Variants in LRP1B observed in about 807,000 individuals in gnomAD.
LRP1B encodes the protein LDL receptor related protein 1B.
Under a neutral mutation model 556.6 loss-of-function variants are expected in LRP1B, and 217 were observed. The observed-to-expected ratio is 0.39, with a 90% CI of 0.35 to 0.44. The LOEUF is 0.44. LRP1B is among the 20% of genes least tolerant of loss of function. The pLI, the probability that LRP1B is intolerant of heterozygous loss-of-function variation, is 1.00. For missense variants in LRP1B, 5,053 were observed against 5,620.8 expected, an observed-to-expected ratio of 0.90 and a Z score of 3.23; for synonymous variants, 2,047 against 1,865.8, an observed-to-expected ratio of 1.10 and a Z score of -2.50.
intron 11 of LRP1B, among the ~76,000 whole-genome samples, chr2:141,030,888 T>C (rs1418923266): frequency 6.6e-6 from 1 of 151,926 alleles, no homozygotes; most frequent in Non-Finnish European, 1.5e-5. Context: ...TCATCACTCA[T>C]TTTTTTGAGG....
chr2:141,508,670 G>A (rs1475726701), intron 2 of LRP1B, among the ~76,000 whole-genome samples: 1 of 151,586 alleles, frequency 6.6e-6, no homozygotes, highest in East Asian at 1.9e-4. Context: ...TTAAAGAACA[G>A]TTAAATACTT....
intron 21 of LRP1B, among the ~76,000 whole-genome samples, chr2:140,909,022 C>T (rs965592888): frequency 1.4e-4 from 21 of 152,188 alleles, no homozygotes; most frequent in African/African-American, 5.1e-4. Flanking sequence ...TGGTCTCAAA[C>T]TCTTGACCTC....
intron 21 of LRP1B, among the ~76,000 whole-genome samples, chr2:140,920,297 T>C (rs916528106): frequency 4.6e-5 from 7 of 152,030 alleles, no homozygotes; most frequent in African/African-American, 1.7e-4. Context: ...ATATTGTACT[T>C]GAAGTTAGCT....
At chr2:141,164,891 A>T (rs1038297275) in intron 7 of LRP1B, among the ~76,000 whole-genome samples, 1 of 152,036 alleles carries the variant, frequency 6.6e-6, no homozygotes, top group Admixed American at 6.6e-5. Context: ...CTACCTAACT[A>T]CTAAAGTTAC....
At chr2:141,641,325 A>C (rs1443326117) in intron 2 of LRP1B, among the ~76,000 whole-genome samples, 1 of 152,152 alleles carries the variant, frequency 6.6e-6, no homozygotes, top group African/African-American at 2.4e-5. Context: ...ATTAGACCAT[A>C]TTATATGATC....
intron 3 of LRP1B, among the ~76,000 whole-genome samples, chr2:141,478,605 A>T (rs1682800665): frequency 1.3e-5 from 2 of 150,946 alleles, no homozygotes; most frequent in African/African-American, 4.9e-5. Context: ...GTGCAATGAC[A>T]TAATCTTGGC....
chr2:141,708,945 G>A (rs1692253125), intron 2 of LRP1B, among the ~76,000 whole-genome samples: 1 of 152,162 alleles, frequency 6.6e-6, no homozygotes, highest in South Asian at 2.1e-4. Flanking sequence ...AGACTTGTGA[G>A]AGAATAAATT....
intron 1 of LRP1B, among the ~76,000 whole-genome samples, chr2:141,860,416 T>C (rs750184399): frequency 2.4e-4 from 36 of 152,308 alleles, no homozygotes; most frequent in African/African-American, 8.4e-4. Context: ...TATTTAATTC[T>C]TTAAGCTTTC....
At chr2:140,923,256 T>G in intron 20 of LRP1B, 109 bp from the exon 21 acceptor site, 1 of 746,604 alleles carries the variant, frequency 1.3e-6, no homozygotes, top group South Asian at 1.9e-5. Flanking sequence ...TCTTCAGGCA[T>G]TATTATAATG....
At position 140,328,802 on chromosome 2, in the gene LRP1B, A is replaced by G. The variant is rs543695485; in HGVS notation, c.12224-2924T>C. On this transcript the variant is annotated intron_variant, in intron 79 of 90. Transcript: ENST00000389484. ...TGTTTTCATACACACACACAAACAC[A>G]CTTATTTTTCATACACATACACACA... Among the ~76,000 whole-genome samples the G allele has an allele frequency of 5.9e-5, 9 of 151,844 alleles. No homozygotes were observed. In the South Asian group the frequency reaches 1.2e-3, roughly 21 times the overall value.
chr2:140,657,199 TA>T (rs34920664), intron 41 of LRP1B, among the ~76,000 whole-genome samples: 2,671 of 148,200 alleles, frequency 0.018, 72 homozygotes, highest in African/African-American at 0.056. Flanking sequence ...AACATAAAAG[TA>T]AAAAAAAAAA....
chr2:140,349,240 A>C (rs1003362564), intron 77 of LRP1B, among the ~76,000 whole-genome samples: 1 of 152,108 alleles, frequency 6.6e-6, no homozygotes, highest in African/African-American at 2.4e-5. Flanking sequence ...AAACTAAATA[A>C]AAATCAAAGA....
rs1307748764 is a variant in LRP1B at position 140,668,903 on chromosome 2, T to C, written c.6799+31347A>G. On this transcript the variant is annotated intron_variant, in intron 41 of 90. Coordinates refer to ENST00000389484, the MANE Select transcript of LRP1B (RefSeq NM_018557.3). ...AAAATGTAAAATACGGGACTAAAAA[T>C]TGTATATTAAAGGTATTTATGTAAA... is the stretch of plus-strand genomic sequence containing the variant. Among the ~76,000 whole-genome samples the C allele has an allele frequency of 2.6e-5, 4 of 152,116 alleles. No homozygotes were observed. The East Asian group carries it at 5.8e-4, about 22-fold the overall frequency.
At chr2:140,316,851 C>T (rs1327339753) in intron 82 of LRP1B, among the ~76,000 whole-genome samples, 3 of 152,146 alleles carry the variant, frequency 2.0e-5, no homozygotes, top group Non-Finnish European at 4.4e-5. Context: ...CCCTTATCGA[C>T]TGTATCTAGA....
intron 3 of LRP1B, among the ~76,000 whole-genome samples, chr2:141,263,994 T>G (rs1247207069): frequency 2.0e-5 from 3 of 152,194 alleles, no homozygotes; most frequent in African/African-American, 4.8e-5. Flanking sequence ...TTCAACCTAA[T>G]GAATGATTTT....
At chr2:141,486,265 T>A (rs1309304068) in intron 2 of LRP1B, among the ~76,000 whole-genome samples, 1 of 152,182 alleles carries the variant, frequency 6.6e-6, no homozygotes, top group Admixed American at 6.6e-5. Context: ...CTTGACCAAT[T>A]AGTCAAAATA....
intron 47 of LRP1B, among the ~76,000 whole-genome samples, chr2:140,531,375 C>T (rs1690684910): frequency 6.6e-6 from 1 of 152,122 alleles, no homozygotes. Context: ...TCTCCGCTTA[C>T]TTCCAGTGTC....
At chr2:141,128,142 C>T (rs769366993) in intron 7 of LRP1B, among the ~76,000 whole-genome samples, 4 of 152,122 alleles carry the variant, frequency 2.6e-5, no homozygotes, top group Non-Finnish European at 4.4e-5. Flanking sequence ...GCCACAATGC[C>T]TGGCCTTCAT....
intron 5 of LRP1B, among the ~76,000 whole-genome samples, chr2:141,244,258 G>A (rs1246505505): frequency 6.6e-6 from 1 of 152,110 alleles, no homozygotes; most frequent in Non-Finnish European, 1.5e-5. Context: ...GCTTTCCATT[G>A]CATCACTTTG....
Sources: gnomAD v4.1 joint callset for allele counts (sites outside exome capture counted in the v4.1 genomes callset) on GRCh38, gnomAD v4.1.1 for gene constraint, MANE v1.5 for transcripts, NCBI Gene and HGNC (gene_info 2026-07-23, HGNC 2026-07-21) for gene names.